NFIB: variants seen among roughly 807,000 people sequenced by gnomAD.
NFIB encodes the protein nuclear factor I B, also known as nuclear factor 1 B-type.
NFIB carries 11 observed loss-of-function variants against 61.5 expected under a neutral mutation model. The ratio of observed to expected loss-of-function variants is 0.18; its 90% CI spans 0.11 to 0.30. The LOEUF is 0.30. NFIB is among the 10% of genes least tolerant of loss of function. The probability of loss-of-function intolerance (pLI) is 1.00; values close to 1 mark genes in which losing one functional copy is unlikely to be tolerated. For missense variants in NFIB, 471 were observed against 608.9 expected (o/e 0.77, Z 2.38); for synonymous variants, 260 against 216.5 (o/e 1.20, Z -1.76).
At chr9:14,410,303 A>G in the NFIB span, among the ~76,000 whole-genome samples, 2 of 152,116 alleles carry the variant, frequency 1.3e-5, no homozygotes, top group Non-Finnish European at 1.5e-5. Context: ...TCATAGCTCC[A>G]TATTTTCATA....
chr9:14,195,231 G>A (rs1434349582), intron 2 of NFIB, among the ~76,000 whole-genome samples: 1 of 152,086 alleles, frequency 6.6e-6, no homozygotes, highest in Non-Finnish European at 1.5e-5. Context: ...AACCGCCAGA[G>A]ATGGCAAGGT....
rs761764006 is a variant in NFIB at position 14,284,117 on chromosome 9, G to C, written c.562+22872C>G. Among the ~76,000 whole-genome samples the C allele has an allele frequency of 6.2e-4, 95 of 152,106 alleles. 2 individuals are homozygous for C. Among genetic ancestry groups the C allele is most frequent in the Admixed American group, 5.7e-3 (87 of 15,278 alleles). ...GCCTCTTACTAGCTTTCGGATTGGA[G>C]AGTTATTCAAGATATTTAACCTCAA... On this transcript the variant is annotated intron_variant, in intron 2 of 10. Coordinates refer to ENST00000380953, the MANE Select transcript of NFIB (RefSeq NM_001190737.2).
intron 2 of NFIB, among the ~76,000 whole-genome samples, chr9:14,247,223 G>C (rs1322555528): frequency 6.6e-6 from 1 of 152,204 alleles, no homozygotes; most frequent in African/African-American, 2.4e-5. Context: ...AAGAGAACTT[G>C]AACAGTCCAC....
At chr9:14,336,042 T>C (rs1256422687) in intron 1 of NFIB, among the ~76,000 whole-genome samples, 3 of 152,228 alleles carry the variant, frequency 2.0e-5, no homozygotes, top group African/African-American at 4.8e-5. Flanking sequence ...TCTTTATCCA[T>C]GTCAATTCCA....
intron 3 of NFIB, among the ~76,000 whole-genome samples, chr9:14,168,024 G>A (rs1001655059): frequency 2.6e-5 from 4 of 152,170 alleles, no homozygotes; most frequent in African/African-American, 9.7e-5. Flanking sequence ...TGCTACATAA[G>A]ATGAGGAGTT....
intron 2 of NFIB, among the ~76,000 whole-genome samples, chr9:14,187,005 CTGTGTGTGTGTGTG>C (rs762584581): frequency 6.2e-5 from 4 of 64,154 alleles, no homozygotes; most frequent in African/African-American, 1.6e-4. Context: ...TTCTTCGCTC[CTGTGTGTGTGTGTG>C]TGTGTGTATG....
At chr9:14,443,772 C>G in the NFIB span, among the ~76,000 whole-genome samples, 1 of 152,178 alleles carries the variant, frequency 6.6e-6, no homozygotes, top group Non-Finnish European at 1.5e-5. Context: ...TTAAATCTCA[C>G]AATAGACTGT....
intron 2 of NFIB, among the ~76,000 whole-genome samples, chr9:14,226,694 G>A (rs1451854245): frequency 2.6e-5 from 4 of 151,936 alleles, no homozygotes; most frequent in Non-Finnish European, 4.4e-5. Context: ...GACTAATACA[G>A]CCAAAGAAAC....
intron 1 of NFIB, chr9:14,362,396 A>G (rs74727409): frequency 6.6e-6 from 1 of 152,190 alleles, no homozygotes; most frequent in African/African-American, 2.4e-5. Flanking sequence ...GCCACTGTCA[A>G]CAAATAGAGC....
intron 7 of NFIB, among the ~76,000 whole-genome samples, chr9:14,121,782 G>A (rs995177926): frequency 2.6e-5 from 4 of 152,094 alleles, no homozygotes; most frequent in Admixed American, 1.3e-4. Context: ...TTTATAAAGG[G>A]AAATACTATA....
intron 6 of NFIB, among the ~76,000 whole-genome samples, chr9:14,134,897 C>CAAAAAAAAAAAAAAAA (rs57014530): frequency 6.2e-5 from 4 of 64,334 alleles, no homozygotes; most frequent in African/African-American, 1.4e-4. Context: ...GACTCTGTCT[C>CAAAAAAAAAAAAAAAA]AAAAAAAAAA....
intron 1 of NFIB, among the ~76,000 whole-genome samples, chr9:14,364,023 C>G (rs2061271735): frequency 6.6e-6 from 1 of 152,132 alleles, no homozygotes; most frequent in Non-Finnish European, 1.5e-5. Context: ...TCATTTTACT[C>G]TTAAACATCT....
At chr9:14,384,202 C>T (rs2061523478) in intron 1 of NFIB, among the ~76,000 whole-genome samples, 1 of 152,186 alleles carries the variant, frequency 6.6e-6, no homozygotes, top group Non-Finnish European at 1.5e-5. Flanking sequence ...CTCGCAGCAA[C>T]ATCTACTGTC....
chr9:14,219,728 C>G (rs1043499177), intron 2 of NFIB, among the ~76,000 whole-genome samples: 1 of 152,118 alleles, frequency 6.6e-6, no homozygotes, highest in African/African-American at 2.4e-5. Context: ...GGAAAGAAAG[C>G]TTGAGCAAAT....
chr9:14,271,015 C>CCT, intron 2 of NFIB, among the ~76,000 whole-genome samples: 1 of 152,192 alleles, frequency 6.6e-6, no homozygotes, highest in South Asian at 2.1e-4. Context: ...GAGAGGGTCT[C>CCT]CTCCACCCCC....
chr9:14,220,229 A>G (rs2051473450), intron 2 of NFIB, among the ~76,000 whole-genome samples: 1 of 152,210 alleles, frequency 6.6e-6, no homozygotes, highest in Non-Finnish European at 1.5e-5. Flanking sequence ...CTCATTAGTT[A>G]TTATTGATAA....
At chr9:14,512,139 G>T in the NFIB span, among the ~76,000 whole-genome samples, 146,320 of 152,262 alleles carry the variant, frequency 0.96, 70,335 homozygotes, top group East Asian at 0.98. Context: ...TCTAACTCTG[G>T]GTTTCCCAAG....
chr9:14,521,577 C>G, the NFIB span, among the ~76,000 whole-genome samples: 1 of 152,174 alleles, frequency 6.6e-6, no homozygotes, highest in African/African-American at 2.4e-5. Flanking sequence ...AAGTACCTAG[C>G]AGAGAACCTG....
intron 3 of NFIB, among the ~76,000 whole-genome samples, chr9:14,167,620 A>C (rs1169862201): frequency 6.6e-6 from 1 of 152,196 alleles, no homozygotes; most frequent in Non-Finnish European, 1.5e-5. Context: ...ATTATACCTC[A>C]ATAAAGTTAG....
Sources: allele counts gnomAD v4.1 joint callset (sites outside exome capture counted in the v4.1 genomes callset), GRCh38; gene constraint gnomAD v4.1.1; transcripts MANE v1.5; gene names NCBI Gene and HGNC (gene_info 2026-07-23, HGNC 2026-07-21).